Variants in PTPRD observed in about 807,000 individuals in gnomAD.
The protein encoded by PTPRD is protein tyrosine phosphatase receptor type D, also known as receptor-type tyrosine-protein phosphatase delta.
PTPRD carries 34 observed loss-of-function variants against 214.5 expected under a neutral mutation model. That is an observed-to-expected ratio of 0.16 (90% confidence interval 0.12 to 0.21). The LOEUF (loss-of-function observed/expected upper bound fraction) is 0.21, where lower values mean the gene tolerates loss of function less well. Ranked by LOEUF, PTPRD falls within the 10% of genes least tolerant of loss-of-function variation. The probability of loss-of-function intolerance (pLI) is 1.00; values close to 1 mark genes in which losing one functional copy is unlikely to be tolerated. For synonymous variants in PTPRD, 1,128 were observed against 845.7 expected, an observed-to-expected ratio of 1.33 and a Z score of -5.79; for missense variants, 2,545 against 2,398.7, an observed-to-expected ratio of 1.06 and a Z score of -1.27.
intron 3 of PTPRD, among the ~76,000 whole-genome samples, chr9:10,338,348 C>T (rs558165915): frequency 6.6e-6 from 1 of 151,702 alleles, no homozygotes; most frequent in African/African-American, 2.4e-5. Flanking sequence ...ATTTAATGCT[C>T]GATTTCTATC....
At chr9:10,433,050 G>A (rs2098693699) in intron 2 of PTPRD, among the ~76,000 whole-genome samples, 1 of 151,646 alleles carries the variant, frequency 6.6e-6, no homozygotes, top group African/African-American at 2.4e-5. Flanking sequence ...ATAAGATCAT[G>A]GTATTAAGTA....
chr9:9,249,057 G>C (rs2099974291), intron 9 of PTPRD, among the ~76,000 whole-genome samples: 1 of 152,066 alleles, frequency 6.6e-6, no homozygotes, highest in Admixed American at 6.6e-5. Context: ...TGTTGGAAGT[G>C]GGGCCCAGTG....
chr9:9,758,610 G>C (rs1183614992), intron 6 of PTPRD, among the ~76,000 whole-genome samples: 1 of 152,092 alleles, frequency 6.6e-6, no homozygotes, highest in East Asian at 1.9e-4. Context: ...TTGCCAAGGA[G>C]AGTTACATAT....
At chr9:9,420,165 A>G (rs2142416191) in intron 8 of PTPRD, among the ~76,000 whole-genome samples, 1 of 151,926 alleles carries the variant, frequency 6.6e-6, no homozygotes, top group South Asian at 2.1e-4. Flanking sequence ...CAACAGATTA[A>G]TCACTATAAA....
At chr9:10,487,476 G>C (rs1221096421) in intron 2 of PTPRD, among the ~76,000 whole-genome samples, 2 of 151,616 alleles carry the variant, frequency 1.3e-5, no homozygotes, top group Non-Finnish European at 2.9e-5. Context: ...TAAGTTTTTG[G>C]TTTGAGTTTA....
At chr9:10,420,120 G>T (rs968419663) in intron 2 of PTPRD, among the ~76,000 whole-genome samples, 2 of 151,756 alleles carry the variant, frequency 1.3e-5, no homozygotes, top group Non-Finnish European at 2.9e-5. Flanking sequence ...TGAGTAAAAA[G>T]AGGAGGAAGA....
intron 44 of PTPRD, among the ~76,000 whole-genome samples, chr9:8,326,986 C>T (rs1221380668): frequency 2.0e-5 from 3 of 146,898 alleles, no homozygotes; most frequent in Non-Finnish European, 3.0e-5. Flanking sequence ...AAAGCCAGCT[C>T]CTGGATTCAT....
At chr9:8,514,630 A>G (rs2097753179) in intron 21 of PTPRD, among the ~76,000 whole-genome samples, 1 of 152,160 alleles carries the variant, frequency 6.6e-6, no homozygotes, top group African/African-American at 2.4e-5. Context: ...TAATTCTTAG[A>G]TAAATATATG....
intron 11 of PTPRD, among the ~76,000 whole-genome samples, chr9:8,928,918 G>T (rs923787045): frequency 6.6e-6 from 1 of 152,112 alleles, no homozygotes; most frequent in Non-Finnish European, 1.5e-5. Flanking sequence ...TCCCTCGTAA[G>T]TTGTATTCCT....
intron 26 of PTPRD, among the ~76,000 whole-genome samples, chr9:8,496,192 AC>A (rs2097263560): frequency 2.1e-5 from 3 of 146,174 alleles, no homozygotes; most frequent in Non-Finnish European, 1.5e-5. Context: ...ACACACACAC[AC>A]ACACACACAC....
At chr9:10,041,065 A>C (rs1439561874) in intron 3 of PTPRD, among the ~76,000 whole-genome samples, 3 of 152,084 alleles carry the variant, frequency 2.0e-5, no homozygotes, top group African/African-American at 4.8e-5. Flanking sequence ...GAATGTAAAA[A>C]CATAATTTTT....
intron 5 of PTPRD, among the ~76,000 whole-genome samples, chr9:9,887,963 A>G (rs1024220801): frequency 6.6e-6 from 1 of 152,188 alleles, no homozygotes; most frequent in African/African-American, 2.4e-5. Context: ...AAATAAATTC[A>G]GAAAATGGTA....
At chr9:10,069,900 T>C (rs889844960) in intron 3 of PTPRD, among the ~76,000 whole-genome samples, 2 of 152,026 alleles carry the variant, frequency 1.3e-5, no homozygotes, top group Non-Finnish European at 2.9e-5. Flanking sequence ...AAAGAAGAGA[T>C]CCTATGTATT....
intron 11 of PTPRD, among the ~76,000 whole-genome samples, chr9:8,859,161 A>G (rs1337657757): frequency 3.3e-5 from 5 of 152,212 alleles, no homozygotes; most frequent in Admixed American, 3.3e-4. Flanking sequence ...GGAAGTACTG[A>G]ACCAAAATCT....
chr9:8,353,937 C>CATATATAT lies in PTPRD; in HGVS notation c.4662-11967_4662-11960dup, dbSNP rs59488682. Among the ~76,000 whole-genome samples the CATATATAT allele has an allele frequency of 7.3e-4, 45 of 61,306 alleles. 6 individuals are homozygous for CATATATAT. The highest frequency in any genetic ancestry group is 2.9e-3 in the African/African-American group (43 of 14,788). The allele number at this position is 61,306 out of a possible 152,430, so 40.2% of individuals were successfully genotyped here. On this transcript the variant is annotated intron_variant, in intron 39 of 45. Transcript: ENST00000381196. Reference sequence around the variant, plus strand: ...ATATATGTATATATATGTGTGTGTACATATATATATATATATATATATATA... The same window carrying CATATATAT: ...ATATATGTATATATATGTGTGTGTACATATATATATATATATATATATATATATATATA...
At chr9:10,374,885 T>G (rs1028724172) in intron 2 of PTPRD, among the ~76,000 whole-genome samples, 1 of 152,150 alleles carries the variant, frequency 6.6e-6, no homozygotes, top group Non-Finnish European at 1.5e-5. Flanking sequence ...AATTTCAAAT[T>G]TGAAAATTCA....
At chr9:9,703,435 G>A (rs141231475) in intron 7 of PTPRD, among the ~76,000 whole-genome samples, 1 of 151,998 alleles carries the variant, frequency 6.6e-6, no homozygotes, top group Non-Finnish European at 1.5e-5. Context: ...AATCAAAGTG[G>A]GGTTTACATG....
intron 8 of PTPRD, among the ~76,000 whole-genome samples, chr9:9,459,010 G>C (rs189645067): frequency 6.6e-6 from 1 of 151,930 alleles, no homozygotes; most frequent in African/African-American, 2.4e-5. Flanking sequence ...GAATGGTCAT[G>C]CTTTAAATGG....
chr9:10,283,880 G>C (rs963448238), intron 3 of PTPRD, among the ~76,000 whole-genome samples: 1 of 152,122 alleles, frequency 6.6e-6, no homozygotes, highest in Non-Finnish European at 1.5e-5. Flanking sequence ...AGTGTGACTA[G>C]AATTCACAAG....
Sources: gnomAD v4.1 joint callset for allele counts (sites outside exome capture counted in the v4.1 genomes callset) on GRCh38, gnomAD v4.1.1 for gene constraint, MANE v1.5 for transcripts, NCBI Gene and HGNC (gene_info 2026-07-23, HGNC 2026-07-21) for gene names.